The following HECTD4 variants were observed in gnomAD, a reference collection of about 807,000 sequenced individuals.
HECTD4 encodes probable E3 ubiquitin-protein ligase HECTD4.
A neutral mutation model predicts 471.5 loss-of-function variants in HECTD4; 114 were observed. The ratio of observed to expected loss-of-function variants is 0.24; its 90% CI spans 0.21 to 0.28. The LOEUF (loss-of-function observed/expected upper bound fraction) is 0.28, where lower values mean the gene tolerates loss of function less well. Among genes scored for constraint, HECTD4 ranks in the 10% least tolerant of loss-of-function variants. HECTD4 has a pLI of 1.00. For synonymous variants in HECTD4, 2,012 were observed against 2,256.0 expected, an observed-to-expected ratio of 0.89 and a Z score of 3.07; for missense variants, 3,866 against 5,651.5, an observed-to-expected ratio of 0.68 and a Z score of 10.13.
rs1566082946 is a variant in HECTD4, at chr12:112,237,112, G to GAAAGAA, written c.5291-20_5291-15dup. On this transcript the variant is annotated splice_polypyrimidine_tract_variant and intron_variant, in intron 34 of 75. Coordinates refer to ENST00000682272, the MANE Select transcript of HECTD4 (RefSeq NM_001388303.1). ...CTGTGGAGCCACCTTCACAGTTAAA[G>GAAAGAA]AAAGAAAAAAAGAGATTGGTGAAAA... 3 of 1,539,756 alleles carry GAAAGAA rather than the reference G, an allele frequency of 1.9e-6. No individual in the cohort carries two copies. In the East Asian group the frequency reaches 7.2e-5, roughly 37 times the overall value.
intron 1 of HECTD4, among the ~76,000 whole-genome samples, chr12:112,378,920 T>G (rs2036835534): frequency 6.6e-6 from 1 of 152,122 alleles, no homozygotes; most frequent in Non-Finnish European, 1.5e-5. Context: ...CATGCGCCTG[T>G]AGTCCCAGCT....
At chr12:112,348,580 G>C (rs1173577329) in intron 1 of HECTD4, among the ~76,000 whole-genome samples, 2 of 152,028 alleles carry the variant, frequency 1.3e-5, no homozygotes, top group Non-Finnish European at 2.9e-5. Context: ...AACATAGCTA[G>C]ACCCTGTCTC....
At position 112,382,216 on chromosome 12, in the gene HECTD4, G is replaced by T. The variant is rs2036909071; in HGVS notation, c.-88C>A. 1 of 1,099,246 alleles carries T rather than the reference G, an allele frequency of 9.1e-7. No individual in the cohort carries two copies. Among genetic ancestry groups the T allele is most frequent in the African/African-American group, 1.6e-5 (1 of 60,980 alleles). 68.1% of individuals were successfully genotyped at this position (1,099,246 alleles called of 1,614,324 possible). A position where few individuals can be genotyped will look rare whatever the true frequency, so the allele number is the denominator to read the frequency against. Reference sequence around the variant, plus strand: ...CCGCCGCGATCACCAGTCCATGGCAGCGGCCGCCGCGCCCGCCAGCGGCGC... The same window carrying T: ...CCGCCGCGATCACCAGTCCATGGCATCGGCCGCCGCGCCCGCCAGCGGCGC... On this transcript the variant is annotated 5_prime_UTR_variant, in exon 1 of 76. In the 5' UTR this introduces an upstream ATG that the reference lacks. Coordinates refer to ENST00000682272, the MANE Select transcript of HECTD4 (RefSeq NM_001388303.1).
In HECTD4 at chr12:112,319,180, G is replaced by A. The variant is rs1380809430; in HGVS notation, c.695+45C>T. The A allele has an allele frequency of 6.6e-7, 1 of 1,523,986 alleles. No individual in the cohort carries two copies. Among genetic ancestry groups the A allele is most frequent in the Non-Finnish European group, 8.8e-7 (1 of 1,137,964 alleles). 94.4% of individuals were successfully genotyped at this position (1,523,986 alleles called of 1,614,324 possible). A position where few individuals can be genotyped will look rare whatever the true frequency, so the allele number is the denominator to read the frequency against. ...CTTCTTCATTCACCCAACCCAGGTGGCAGTAGTCACAAGGTCACCAAATGA... is the reference window on the plus strand; with the variant it reads ...CTTCTTCATTCACCCAACCCAGGTGACAGTAGTCACAAGGTCACCAAATGA... On this transcript the variant is annotated intron_variant, in intron 2 of 75. Coordinates refer to ENST00000682272, the MANE Select transcript of HECTD4 (RefSeq NM_001388303.1). This position sits in a 1 kb window ranked among gnomAD's most constrained non-coding sequence, Gnocchi z 5.3.
chr12:112,219,434 C>T lies in HECTD4; in HGVS notation c.7026G>A (p.Arg2342=). ...VQCERLRMLY[R]DCARPPPPPL... is the part of the protein sequence containing the mutation. The stretch of plus-strand genomic sequence containing the variant: ...GAGGTGGTGGGGGCCGAGCACAGTC[C>T]CGGTAGAGCATCCTCAGCCGTTCAC... Residue 2342 remains arginine, a synonymous_variant, in exon 45 of 76, where the codon CGG becomes CGA. Transcript: ENST00000682272. The T allele has an allele frequency of 6.2e-7, 1 of 1,613,820 alleles. No individual in the cohort carries two copies. The highest frequency in any genetic ancestry group is 8.5e-7 in the Non-Finnish European group (1 of 1,179,830).
At chr12:112,274,511 G>C (rs1743505234) in intron 10 of HECTD4, among the ~76,000 whole-genome samples, 1 of 152,170 alleles carries the variant, frequency 6.6e-6, no homozygotes, top group Admixed American at 6.5e-5. Flanking sequence ...TTTGAGACCA[G>C]CCTGGGTGAC....
At chr12:112,346,148 T>C (rs542190370) in intron 1 of HECTD4, among the ~76,000 whole-genome samples, 75 of 152,190 alleles carry the variant, frequency 4.9e-4, no homozygotes, top group Non-Finnish European at 8.7e-4. Context: ...GGTTAACCCA[T>C]TGGCCAAGGT....
intron 51 of HECTD4, 95 bp downstream of exon 51, chr12:112,208,399 C>T (rs200972505): frequency 1.6e-6 from 2 of 1,272,992 alleles, no homozygotes; most frequent in Non-Finnish European, 2.1e-6. Context: ...CAGCTTTGCA[C>T]TCTCACATCA....
In HECTD4 at chr12:112,200,857, G is replaced by C. The variant is rs748722258; in HGVS notation, c.8407-59C>G. The C allele has an allele frequency of 4.0e-6, 6 of 1,500,542 alleles. No individual in the cohort carries two copies. The East Asian group carries it at 1.4e-4, about 34-fold the overall frequency. The allele number at this position is 1,500,542 out of a possible 1,614,324, so 93.0% of individuals were successfully genotyped here. A position where few individuals can be genotyped will look rare whatever the true frequency, so the allele number is the denominator to read the frequency against. On this transcript the variant is annotated intron_variant, in intron 54 of 75. Transcript: ENST00000682272. ...GTTTGCTTTTGTTTTCCATGTGTGC[G>C]TGCGTGCGTGTGTGTGTGCGTGCGT... is the stretch of plus-strand genomic sequence containing the variant.
intron 1 of HECTD4, among the ~76,000 whole-genome samples, chr12:112,352,497 A>G (rs890672922): frequency 6.6e-6 from 1 of 151,600 alleles, no homozygotes; most frequent in Non-Finnish European, 1.5e-5. Context: ...CACTACGCCC[A>G]GCTAATTTTT....
At position 112,239,081 on chromosome 12, in the gene HECTD4, T is replaced by C; in HGVS notation, c.5261A>G (p.Asn1754Ser). 2 of 1,613,458 alleles carry C rather than the reference T, an allele frequency of 1.2e-6. No homozygotes were observed. The highest frequency in any genetic ancestry group is 1.1e-5 in the South Asian group (1 of 90,912). The change falls in exon 34 of 76, where the codon AAC (asparagine) becomes AGC (serine). Residue 1754 changes from asparagine (N) to serine (S), a missense_variant. Physicochemically the swap from Asn to Ser is conservative, Grantham distance 46. Coordinates refer to ENST00000682272, the MANE Select transcript of HECTD4 (RefSeq NM_001388303.1). The surrounding 1 kb of genome is among the most constrained non-coding windows in gnomAD (Gnocchi z 4.9). Reference sequence around the variant, plus strand: ...CTCTTTTTCCCACTCAACACAGCGGTTGGCAAGCACCTGGAAGGCAGCCCA... The same window carrying C: ...CTCTTTTTCCCACTCAACACAGCGGCTGGCAAGCACCTGGAAGGCAGCCCA... ...MAWAAFQVLA[N>S]RCVEWEKEEG...
At chr12:112,229,270 T>C (rs1248667340) in intron 41 of HECTD4, among the ~76,000 whole-genome samples, 1 of 152,146 alleles carries the variant, frequency 6.6e-6, no homozygotes, top group African/African-American at 2.4e-5. Flanking sequence ...GAGGTTGCAG[T>C]GAGCTGAGAT....
intron 32 of HECTD4, among the ~76,000 whole-genome samples, chr12:112,242,028 T>C (rs1024060754): frequency 1.3e-5 from 2 of 152,230 alleles, no homozygotes; most frequent in Admixed American, 1.3e-4. Flanking sequence ...TTTCTATTTC[T>C]ATTTGAAGAT....
intron 1 of HECTD4, among the ~76,000 whole-genome samples, chr12:112,356,001 T>G (rs964293229): frequency 6.6e-6 from 1 of 152,124 alleles, no homozygotes; most frequent in Non-Finnish European, 1.5e-5. Context: ...TAAACAGAAT[T>G]TCTAGCGGGG....
At chr12:112,368,578 T>C (rs915410731) in intron 1 of HECTD4, among the ~76,000 whole-genome samples, 1 of 152,176 alleles carries the variant, frequency 6.6e-6, no homozygotes, top group Non-Finnish European at 1.5e-5. Flanking sequence ...CATTAAAAAT[T>C]ATATCTTTAA....
At chr12:112,340,988 C>A (rs1488199452) in intron 1 of HECTD4, among the ~76,000 whole-genome samples, 2 of 152,150 alleles carry the variant, frequency 1.3e-5, no homozygotes, top group African/African-American at 2.4e-5. Flanking sequence ...ATACCTGGCA[C>A]AAGGTAAGCA....
intron 17 of HECTD4, among the ~76,000 whole-genome samples, chr12:112,263,457 C>G (rs963568947): frequency 6.6e-6 from 1 of 151,928 alleles, no homozygotes; most frequent in South Asian, 2.1e-4. Context: ...GAGCATCTGT[C>G]AAAATTATAA....
intron 35 of HECTD4, 124 bp downstream of exon 35, chr12:112,236,821 A>G (rs2033517496): frequency 1.2e-6 from 1 of 847,398 alleles, no homozygotes. Context: ...TTTTTGAGGC[A>G]AGAGTGTGTC....
In HECTD4 at chr12:112,381,253, T is replaced by A. The variant is rs545353547; in HGVS notation, c.177+699A>T. Among the ~76,000 whole-genome samples, 60 of 152,026 alleles carry A rather than the reference T, an allele frequency of 3.9e-4. No individual in the cohort carries two copies. Among genetic ancestry groups the A allele is most frequent in the African/African-American group, 1.4e-3 (59 of 41,474 alleles). On this transcript the variant is annotated intron_variant, in intron 1 of 75. Transcript: ENST00000682272. This position sits in a 1 kb window ranked among gnomAD's most constrained non-coding sequence, Gnocchi z 4.1. ...ACCTGCCACGGCTCTGAACCCGGGA[T>A]GCTTGGCGACCCCCGGGGCACACAA... is the stretch of plus-strand genomic sequence containing the variant.
Sources: allele counts gnomAD v4.1 joint callset (sites outside exome capture counted in the v4.1 genomes callset), GRCh38; gene constraint gnomAD v4.1.1; non-coding constraint Gnocchi (gnomAD v3.1); transcripts MANE v1.5; gene names NCBI Gene and HGNC (gene_info 2026-07-23, HGNC 2026-07-21).